The following ARHGAP29 variants were observed in gnomAD, a reference collection of about 807,000 sequenced individuals.
The protein encoded by ARHGAP29 is rho GTPase-activating protein 29.
Under a neutral mutation model 122.6 loss-of-function variants are expected in ARHGAP29, and 43 were observed. That is an observed-to-expected ratio of 0.35 (90% CI 0.27 to 0.45). The LOEUF (loss-of-function observed/expected upper bound fraction) is 0.45, where lower values mean the gene tolerates loss of function less well. ARHGAP29 is among the 20% of genes least tolerant of loss of function. The pLI, the probability that ARHGAP29 is intolerant of heterozygous loss-of-function variation, is 1.00. For synonymous variants in ARHGAP29, 506 were observed against 497.1 expected (o/e 1.02, Z -0.24); for missense variants, 1,303 against 1,477.2 (o/e 0.88, Z 1.93).
At chr1:94,198,664 T>C (rs1650623048) in intron 12 of ARHGAP29, among the ~76,000 whole-genome samples, 1 of 152,108 alleles carries the variant, frequency 6.6e-6, no homozygotes, top group African/African-American at 2.4e-5. Context: ...AAATGCTGAT[T>C]TTTTTTTCTT....
Position 94,178,083 on chromosome 1 carries a change from G to A in ARHGAP29, c.2565C>T (p.Pro855=), listed in dbSNP as rs985382266. 1.5e-5 allele frequency: 25 copies of A among 1,614,032 alleles called. No individual in the cohort carries two copies. The highest frequency in any genetic ancestry group is 1.9e-5 in the Non-Finnish European group (23 of 1,180,024). The stretch of plus-strand genomic sequence containing the variant: ...AGGAGATGGTGATAGGAGCAGTTGT[G>A]GGCCTTGGCCTAATGAGACTTGGTC... The part of the protein sequence containing the change: ...IFGPSLIRPR[P]TTAPITISSL... Residue 855 remains proline (P), a synonymous_variant, in exon 21 of 23, where the codon CCC becomes CCT. Transcript: ENST00000260526.
At chr1:94,305,912 C>A in the ARHGAP29 span, among the ~76,000 whole-genome samples, 1 of 152,188 alleles carries the variant, frequency 6.6e-6, no homozygotes, top group East Asian at 1.9e-4. Flanking sequence ...AGGTTGCTGG[C>A]AGCTCTTGAA....
the ARHGAP29 span, among the ~76,000 whole-genome samples, chr1:94,312,252 A>G: frequency 1.3e-5 from 2 of 151,622 alleles, no homozygotes; most frequent in Non-Finnish European, 2.9e-5. Flanking sequence ...AATGAACTCC[A>G]CATTGCCAAA....
upstream of ARHGAP29, among the ~76,000 whole-genome samples, chr1:94,241,642 T>TTA (rs112447865): frequency 0.3 from 43,104 of 141,412 alleles, 6,837 homozygotes; most frequent in South Asian, 0.4. Flanking sequence ...TTATATATAA[T>TTA]TATATATATA....
chr1:94,217,670 C>T (rs1652030279), intron 3 of ARHGAP29, among the ~76,000 whole-genome samples: 1 of 151,884 alleles, frequency 6.6e-6, no homozygotes, highest in African/African-American at 2.4e-5. Context: ...AGACCCTGTC[C>T]CTGTGAAAAA....
the ARHGAP29 span, among the ~76,000 whole-genome samples, chr1:94,305,928 C>A: frequency 6.6e-6 from 1 of 152,320 alleles, no homozygotes; most frequent in East Asian, 1.9e-4. Flanking sequence ...TTGAAAAAGG[C>A]AATCACCCTG....
chr1:94,261,028 T>G (rs1051993736), intron 1 of ARHGAP29, among the ~76,000 whole-genome samples: 2 of 152,174 alleles, frequency 1.3e-5, no homozygotes, highest in Admixed American at 1.3e-4. Context: ...AAGGTAAATG[T>G]GTCTCTGTTC....
chr1:94,294,916 C>T, the ARHGAP29 span, among the ~76,000 whole-genome samples: 1 of 152,132 alleles, frequency 6.6e-6, no homozygotes, highest in Non-Finnish European at 1.5e-5. Context: ...TCTGAAAATT[C>T]AATTATTTTG....
intron 12 of ARHGAP29, chr1:94,191,044 G>A (rs1242800422): frequency 6.6e-6 from 1 of 152,150 alleles, no homozygotes; most frequent in South Asian, 2.1e-4. Flanking sequence ...TAGTGCAAAT[G>A]TGAATGCGAA....
At chr1:94,277,893 A>G (rs1050614934), upstream of ARHGAP29, among the ~76,000 whole-genome samples, 1 of 152,254 alleles carries the variant, frequency 6.6e-6, no homozygotes, top group Non-Finnish European at 1.5e-5. Context: ...TCTCCAAGGT[A>G]TAGCTACTGA....
In ARHGAP29 at chr1:94,175,166, T is replaced by G. The variant is rs572253137; in HGVS notation, c.2906-417A>C. On this transcript the variant is annotated intron_variant, in intron 22 of 22. Transcript: ENST00000260526. ...CCTGAATCCCAAGGATTTTGCCAAC[T>G]CACTCAATCTGCTTTTCAGTTACAC... is the stretch of plus-strand genomic sequence containing the variant. Among the ~76,000 whole-genome samples the G allele has an allele frequency of 7.7e-4, 117 of 152,324 alleles. 1 individual carries two copies. In the South Asian group the frequency reaches 0.021, roughly 27 times the overall value.
Position 94,220,335 on chromosome 1 carries a change from G to A in ARHGAP29, c.263C>T (p.Ser88Phe). The change falls in exon 3 of 23, where the codon TCT becomes TTT. Residue 88 changes from serine (S) to phenylalanine (F), a missense_variant. Transcript: ENST00000260526. ...GAGGTTCTGATGTTTATTCATTATA[G>A]ACTTTAAAACACGGAGCAGTTCCTC... ...RLEELLRVLK[S>F]IMNKHQNLNS... 6.2e-7 allele frequency: 1 copy of A among 1,612,772 alleles called. No homozygotes were observed. Among genetic ancestry groups the A allele is most frequent in the Non-Finnish European group, 8.5e-7 (1 of 1,179,120 alleles).
intron 19 of ARHGAP29, 54 bp downstream of exon 19, chr1:94,184,097 C>A (rs888217181): frequency 2.2e-5 from 35 of 1,559,872 alleles, no homozygotes; most frequent in Admixed American, 5.6e-5. Context: ...AAATACAAAT[C>A]ATATTTTTGC....
the ARHGAP29 span, among the ~76,000 whole-genome samples, chr1:94,313,876 CA>C: frequency 7.2e-5 from 11 of 152,210 alleles, no homozygotes; most frequent in East Asian, 1.9e-3. Context: ...ACCACAAGAA[CA>C]GAAAACCAAA....
At chr1:94,293,503 T>G in the ARHGAP29 span, among the ~76,000 whole-genome samples, 8 of 152,042 alleles carry the variant, frequency 5.3e-5, no homozygotes, top group Non-Finnish European at 8.8e-5. Context: ...GTCCAACCAG[T>G]CCCAGTGAGA....
chr1:94,256,872 T>C (rs1323316722), intron 1 of ARHGAP29, among the ~76,000 whole-genome samples: 1 of 152,056 alleles, frequency 6.6e-6, no homozygotes, highest in East Asian at 1.9e-4. Flanking sequence ...GTACTAATCT[T>C]TATATATTCT....
chr1:94,288,895 C>T, the ARHGAP29 span, among the ~76,000 whole-genome samples: 4 of 152,206 alleles, frequency 2.6e-5, no homozygotes, highest in Non-Finnish European at 5.9e-5. Context: ...GTTTTGGTTA[C>T]TGTAGCCTTG....
At chr1:94,314,097 A>G in the ARHGAP29 span, among the ~76,000 whole-genome samples, 1 of 152,252 alleles carries the variant, frequency 6.6e-6, no homozygotes, top group Admixed American at 6.5e-5. Context: ...CACGTTGTGC[A>G]CATGTACCCT....
At chr1:94,202,370 C>T (rs35274046) in intron 11 of ARHGAP29, 174 bp downstream of exon 11, 4 of 708,224 alleles carry the variant, frequency 5.6e-6, no homozygotes, top group Middle Eastern at 2.4e-4. Flanking sequence ...TCAGCACGAC[C>T]TGAGAGCCTA....
Sources: gnomAD v4.1 joint callset for allele counts (sites outside exome capture counted in the v4.1 genomes callset) on GRCh38, gnomAD v4.1.1 for gene constraint, MANE v1.5 for transcripts, NCBI Gene and HGNC (gene_info 2026-07-23, HGNC 2026-07-21) for gene names.